Variants in KDM3A observed in about 807,000 individuals in gnomAD.
KDM3A encodes lysine demethylase 3A.
A neutral mutation model predicts 158.0 loss-of-function variants in KDM3A; 60 were observed. The observed-to-expected ratio is 0.38, with a 90% CI of 0.31 to 0.47. The LOEUF is 0.47. Ranked by LOEUF, KDM3A falls within the 20% of genes least tolerant of loss-of-function variation. KDM3A has a pLI of 0.99. For missense variants in KDM3A, 1,319 were observed against 1,574.3 expected (o/e 0.84, Z 2.74); for synonymous variants, 608 against 549.3 (o/e 1.11, Z -1.49).
chr2:86,448,273 T>C (rs1019292428), intron 2 of KDM3A, among the ~76,000 whole-genome samples: 4 of 152,190 alleles, frequency 2.6e-5, no homozygotes, highest in African/African-American at 9.6e-5. Flanking sequence ...ATTTTTATCC[T>C]GTAGACTGGA....
At position 86,491,291 on chromosome 2, in the gene KDM3A, A is replaced by G. The variant is rs773686994; in HGVS notation, c.3885+16A>G. The G allele has an allele frequency of 1.2e-6, 2 of 1,612,034 alleles. No individual in the cohort carries two copies. Among genetic ancestry groups the G allele is most frequent in the African/African-American group, 1.3e-5 (1 of 74,876 alleles). ...TAAATTACAGGTAAAAATAGCACCAATTCCTAGCATTCTTTGGCTATGGCT... is the reference window on the plus strand; with the variant it reads ...TAAATTACAGGTAAAAATAGCACCAGTTCCTAGCATTCTTTGGCTATGGCT... On this transcript the variant is annotated intron_variant, in intron 25 of 25. Coordinates refer to ENST00000312912, the MANE Select transcript of KDM3A (RefSeq NM_018433.6).
intron 19 of KDM3A, 138 bp downstream of exon 19, chr2:86,484,296 C>T (rs1279119417): frequency 3.0e-6 from 2 of 677,834 alleles, no homozygotes; most frequent in Non-Finnish European, 2.5e-6. Context: ...CTCTCCTCCC[C>T]TTCCTTGTTA....
At chr2:86,486,449 T>A (rs1410955255) in intron 21 of KDM3A, among the ~76,000 whole-genome samples, 1 of 152,230 alleles carries the variant, frequency 6.6e-6, no homozygotes, top group African/African-American at 2.4e-5. Flanking sequence ...CTTCGTCAGT[T>A]TTACACATGG....
chr2:86,449,830 A>G lies in KDM3A; in HGVS notation c.210A>G (p.Glu70=). The G allele has an allele frequency of 6.2e-7, 1 of 1,612,640 alleles. No homozygotes were observed. Among genetic ancestry groups the G allele is most frequent in the Non-Finnish European group, 8.5e-7 (1 of 1,179,482 alleles). The change falls in exon 3 of 26, where the codon GAA becomes GAG. Residue 70 remains glutamate (E), a synonymous_variant. Transcript: ENST00000312912. Reference sequence around the variant, plus strand: ...AGGTGTGTGTGGAATTTGATGGGGAATCTTGGAGGAAAAGAAGATGGATAG... The same window carrying G: ...AGGTGTGTGTGGAATTTGATGGGGAGTCTTGGAGGAAAAGAAGATGGATAG... ...DLKVCVEFDG[E]SWRKRRWIEV...
intron 2 of KDM3A, among the ~76,000 whole-genome samples, chr2:86,444,410 T>C (rs1256493653): frequency 6.6e-6 from 1 of 152,176 alleles, no homozygotes. Flanking sequence ...TTTCTAGTCA[T>C]GATTTATCAC....
At chr2:86,469,769 A>T (rs1435733076) in intron 10 of KDM3A, among the ~76,000 whole-genome samples, 1 of 152,224 alleles carries the variant, frequency 6.6e-6, no homozygotes, top group Non-Finnish European at 1.5e-5. Context: ...TTGTACTTTT[A>T]AAAACACACC....
At chr2:86,455,983 A>G (rs1672678899) in intron 5 of KDM3A, among the ~76,000 whole-genome samples, 1 of 151,840 alleles carries the variant, frequency 6.6e-6, no homozygotes, top group Non-Finnish European at 1.5e-5. Context: ...AGAAAAGAAA[A>G]AAGATATTTT....
chr2:86,468,338 C>A (rs1302884686), intron 10 of KDM3A, among the ~76,000 whole-genome samples: 1 of 152,160 alleles, frequency 6.6e-6, no homozygotes, highest in Non-Finnish European at 1.5e-5. Flanking sequence ...AGTACATATT[C>A]ATAACCATAT....
chr2:86,451,266 A>AACAT, intron 4 of KDM3A, 53 bp downstream of exon 4: 1 of 1,182,558 alleles, frequency 8.5e-7, no homozygotes, highest in African/African-American at 1.5e-5. Context: ...GAACTCCTTT[A>AACAT]ACATGAGAAG....
chr2:86,455,726 G>A (rs780798637), intron 5 of KDM3A, among the ~76,000 whole-genome samples: 1 of 151,910 alleles, frequency 6.6e-6, no homozygotes, highest in Non-Finnish European at 1.5e-5. Context: ...TGGGAGGATT[G>A]CTTGAGCCTA....
chr2:86,480,276 G>T lies in KDM3A; in HGVS notation c.2426G>T (p.Ser809Ile), dbSNP rs1385997824. 3 of 1,614,062 alleles carry T rather than the reference G, an allele frequency of 1.9e-6. No homozygotes were observed. Among genetic ancestry groups the T allele is most frequent in the Non-Finnish European group, 2.5e-6 (3 of 1,180,036 alleles). The change falls in exon 16 of 26, where the codon AGC becomes ATC. Residue 809 changes from serine to isoleucine, a missense_variant. Ser to Ile is a moderately radical substitution (Grantham distance 142, BLOSUM62 -2). Around this residue, in one of 4 missense-constraint regions of KDM3A, gnomAD observed 368 missense variants for 415.8 expected, o/e 0.89. Transcript: ENST00000312912. ...GAAGCAGCCTCCAAGCCAGCCGGCA[G>T]CATGAAGCCTGCCTGTCCAGCCAGC... ...GGEAASKPAG[S>I]MKPACPASTS...
upstream of KDM3A, among the ~76,000 whole-genome samples, chr2:86,439,238 T>C (rs1682552192): frequency 6.6e-6 from 1 of 152,008 alleles, no homozygotes; most frequent in African/African-American, 2.4e-5. Flanking sequence ...TATACGATTT[T>C]TCTTTTTTAA....
chr2:86,464,808 G>C (rs545418216), intron 9 of KDM3A, among the ~76,000 whole-genome samples: 1 of 152,364 alleles, frequency 6.6e-6, no homozygotes, highest in African/African-American at 2.4e-5. Flanking sequence ...TCTGGGAAGT[G>C]GTGGTGGCCT....
intron 11 of KDM3A, among the ~76,000 whole-genome samples, chr2:86,474,094 C>G (rs936962201): frequency 6.6e-6 from 1 of 152,124 alleles, no homozygotes. Flanking sequence ...TGTTTGTTAA[C>G]GACTTAACTT....
Position 86,485,003 on chromosome 2 carries a change from A to T in KDM3A, c.3156A>T (p.Glu1052Asp), listed in dbSNP as rs976821377. The stretch of plus-strand genomic sequence containing the variant: ...AACTTAAGGACTGGCCACCAGGAGA[A>T]GATTTTAGAGATATGATGCCTTCCA... Reference protein sequence around the residue: ...VLKLKDWPPGEDFRDMMPSRF... With the variant: ...VLKLKDWPPGDDFRDMMPSRF... Residue 1052 changes from glutamate (E) to aspartate (D), a missense_variant, in exon 20 of 26, where the codon GAA becomes GAT. By Grantham distance (45) the Glu-to-Asp change is conservative. This residue lies in a region of KDM3A where 186 missense variants were observed against 340.9 expected (regional missense o/e 0.55). Transcript: ENST00000312912. The T allele has an allele frequency of 2.7e-5, 44 of 1,601,498 alleles. No individual in the cohort carries two copies. The highest frequency in any genetic ancestry group is 3.8e-5 in the Non-Finnish European group (44 of 1,168,724).
At chr2:86,442,433 C>T in intron 2 of KDM3A, 200 bp downstream of exon 2, 7 of 561,816 alleles carry the variant, frequency 1.2e-5, no homozygotes, top group South Asian at 1.1e-4. Flanking sequence ...CTCCTGGCTG[C>T]CTGGCTTTAA....
chr2:86,474,702 T>TTGTGC (rs34606174), intron 11 of KDM3A, 74 bp from the exon 12 acceptor site: 1 of 401,062 alleles, frequency 2.5e-6, no homozygotes, highest in Non-Finnish European at 4.2e-6. Flanking sequence ...GTAAATAAGT[T>TTGTGC]GTGTGTGTGT....
At chr2:86,472,593 T>G (rs58829418) in intron 11 of KDM3A, among the ~76,000 whole-genome samples, 20,447 of 152,260 alleles carry the variant, frequency 0.13, 1,500 homozygotes, top group Middle Eastern at 0.16. Flanking sequence ...TCTCTCATTT[T>G]GACTGCTTGA....
intron 11 of KDM3A, among the ~76,000 whole-genome samples, chr2:86,472,052 G>T (rs775313761): frequency 1.3e-4 from 20 of 152,004 alleles, no homozygotes; most frequent in Non-Finnish European, 2.1e-4. Flanking sequence ...TGGCTCCTCT[G>T]CTATGAAAAA....
Sources: gnomAD v4.1 joint callset for allele counts (sites outside exome capture counted in the v4.1 genomes callset) on GRCh38, gnomAD v4.1.1 for gene constraint, gnomAD v4.1.1 regional missense constraint, MANE v1.5 for transcripts, NCBI Gene and HGNC (gene_info 2026-07-23, HGNC 2026-07-21) for gene names.